The following DOCK5 variants were observed in gnomAD, a reference collection of about 807,000 sequenced individuals.
DOCK5 encodes dedicator of cytokinesis 5, also known as dedicator of cytokinesis protein 5.
Under a neutral mutation model 251.8 loss-of-function variants are expected in DOCK5, and 142 were observed. The observed-to-expected ratio is 0.56, with a 90% confidence interval of 0.49 to 0.65. The LOEUF (loss-of-function observed/expected upper bound fraction) is 0.65. DOCK5 is among the 30% of genes least tolerant of loss of function. DOCK5 has a pLI of 0.00. For synonymous variants in DOCK5, 842 were observed against 835.5 expected, an observed-to-expected ratio of 1.01 and a Z score of -0.13; for missense variants, 2,111 against 2,312.3, an observed-to-expected ratio of 0.91 and a Z score of 1.79.
chr8:25,354,051 AAC>A (rs1563213077), intron 27 of DOCK5, among the ~76,000 whole-genome samples: 1,632 of 25,188 alleles, frequency 0.065, 271 homozygotes, highest in Non-Finnish European at 0.096. Context: ...AAAAAAAACA[AAC>A]AAAAAAAAAA....
intron 40 of DOCK5, among the ~76,000 whole-genome samples, chr8:25,384,467 T>TTTA (rs1272571268): frequency 2.3e-3 from 202 of 87,536 alleles, no homozygotes; most frequent in African/African-American, 6.8e-3. Flanking sequence ...TTATTTATTT[T>TTTA]TTTTTTTTTT....
chr8:25,367,208 A>G (rs984681727), intron 31 of DOCK5, among the ~76,000 whole-genome samples: 5 of 152,164 alleles, frequency 3.3e-5, no homozygotes, highest in African/African-American at 1.2e-4. Flanking sequence ...CTGTACCTGG[A>G]GACGGACCTT....
At chr8:25,350,184 C>T (rs928521662) in intron 26 of DOCK5, among the ~76,000 whole-genome samples, 4 of 152,058 alleles carry the variant, frequency 2.6e-5, no homozygotes, top group African/African-American at 4.8e-5. Flanking sequence ...ATGTTGTACA[C>T]GCTGGATAAG....
At chr8:25,381,432 C>T (rs910097595) in intron 39 of DOCK5, among the ~76,000 whole-genome samples, 7 of 152,078 alleles carry the variant, frequency 4.6e-5, no homozygotes, top group Admixed American at 4.6e-4. Flanking sequence ...CCAGACGAGT[C>T]TGAGCAACAT....
rs183576033 is a variant in DOCK5, at chr8:25,395,498, G to C, written c.4528-45G>C. ...GTTAAACTTTTTTCAGTCTTTACTT[G>C]GAGCTGACAAGTGTCCTCTTTCTCC... On this transcript the variant is annotated intron_variant, in intron 44 of 51. Transcript: ENST00000276440. 3,353 of 1,571,886 alleles carry C rather than the reference G, an allele frequency of 2.1e-3. 4 individuals carry two copies. The highest frequency in any genetic ancestry group is 2.6e-3 in the Non-Finnish European group (3,038 of 1,165,220).
intron 18 of DOCK5, among the ~76,000 whole-genome samples, chr8:25,328,093 G>A (rs1805604752): frequency 6.6e-6 from 1 of 151,972 alleles, no homozygotes; most frequent in African/African-American, 2.4e-5. Flanking sequence ...CTGGTCTTCT[G>A]CAGCTGGTGA....
intron 30 of DOCK5, among the ~76,000 whole-genome samples, 157 bp from the exon 31 acceptor site, chr8:25,366,713 A>G (rs1166675440): frequency 6.6e-6 from 1 of 152,244 alleles, no homozygotes; most frequent in East Asian, 1.9e-4. Context: ...CAAAACTTTT[A>G]GGATTGAATA....
In DOCK5 at chr8:25,299,081, A is replaced by G; in HGVS notation, c.744A>G (p.Pro248=). The change falls in exon 8 of 52, where the codon CCA becomes CCG. Residue 248 remains proline (P), a synonymous_variant. Transcript: ENST00000276440. ...AGTTGTTTATGGCCCTCTACGACCC[A>G]GACCAGTCCACTTTTATCAGGTAGC... ...DAELFMALYD[P]DQSTFISENY... is the part of the protein sequence containing the mutation. 1.2e-6 allele frequency: 2 copies of G among 1,613,678 alleles called. No individual in the cohort carries two copies. The highest frequency in any genetic ancestry group is 1.7e-6 in the Non-Finnish European group (2 of 1,179,772).
At chr8:25,274,683 C>T (rs1366277729) in intron 3 of DOCK5, among the ~76,000 whole-genome samples, 2 of 152,116 alleles carry the variant, frequency 1.3e-5, no homozygotes, top group Non-Finnish European at 2.9e-5. Flanking sequence ...AACTAACACC[C>T]GTTGATTTTG....
chr8:25,308,714 A>G (rs941399821), intron 11 of DOCK5, 69 bp from the exon 12 acceptor site: 72 of 1,557,918 alleles, frequency 4.6e-5, no homozygotes, highest in Non-Finnish European at 6.0e-5. Context: ...ACTCACCATT[A>G]TCTGAGGTTG....
chr8:25,283,027 AG>A (rs1409562550), intron 5 of DOCK5, among the ~76,000 whole-genome samples: 1 of 152,190 alleles, frequency 6.6e-6, no homozygotes, highest in Non-Finnish European at 1.5e-5. Context: ...GATTAACCCC[AG>A]CCATGTAGAC....
At position 25,395,691 on chromosome 8, in the gene DOCK5, T is replaced by A. The variant is rs778776808; in HGVS notation, c.4676T>A (p.Val1559Asp). Residue 1559 changes from valine to aspartate, a missense_variant, in exon 45 of 52, where the codon GTC (valine) becomes GAC (aspartate). Coordinates refer to ENST00000276440, the MANE Select transcript of DOCK5 (RefSeq NM_024940.8). ...CTCAGTGGCATCGTGGACCCGGCCG[T>A]CATGGGGGGCTTCTCCAACTATGAA... is the stretch of plus-strand genomic sequence containing the variant. ...MLLSGIVDPA[V>D]MGGFSNYEKA... The A allele has an allele frequency of 1.2e-6, 2 of 1,613,658 alleles. No homozygotes were observed. The highest frequency in any genetic ancestry group is 8.5e-7 in the Non-Finnish European group (1 of 1,179,792).
chr8:25,265,730 A>C lies in DOCK5; in HGVS notation c.128-3115A>C, dbSNP rs191066670. Among the ~76,000 whole-genome samples the C allele has an allele frequency of 2.6e-3, 388 of 151,998 alleles. 6 individuals are homozygous for C. Among genetic ancestry groups the C allele is most frequent in the African/African-American group, 7.3e-3 (302 of 41,270 alleles). On this transcript the variant is annotated intron_variant, in intron 2 of 51. Coordinates refer to ENST00000276440, the MANE Select transcript of DOCK5 (RefSeq NM_024940.8). Reference sequence around the variant, plus strand: ...TGTAGAATGACTGCATGTAGCGAGGAGAAGAATCAGGGAAGAGATCTGTTG... The same window carrying C: ...TGTAGAATGACTGCATGTAGCGAGGCGAAGAATCAGGGAAGAGATCTGTTG...
rs763793115 is a variant in DOCK5, at chr8:25,391,898, A to G, written c.4358A>G (p.Tyr1453Cys). The G allele has an allele frequency of 1.9e-6, 3 of 1,613,762 alleles. No homozygotes were observed. Among genetic ancestry groups the G allele is most frequent in the East Asian group, 2.2e-5 (1 of 44,844 alleles). ...AGCATTGCTTTGTCCTTCTCCAGCTACTACAGAGCCAATGAAGTGCAGCAG... is the reference window on the plus strand; with the variant it reads ...AGCATTGCTTTGTCCTTCTCCAGCTGCTACAGAGCCAATGAAGTGCAGCAG... ...DKPVPEQILNYYRANEVQQFR... is the reference protein window; with the variant it reads ...DKPVPEQILNCYRANEVQQFR... Residue 1453 changes from tyrosine (Y) to cysteine (C), a missense_variant and splice_region_variant, in exon 43 of 52, where the codon TAC becomes TGC. Transcript: ENST00000276440.
intron 2 of DOCK5, among the ~76,000 whole-genome samples, chr8:25,248,070 A>C (rs1203992901): frequency 6.6e-6 from 1 of 152,194 alleles, no homozygotes; most frequent in Middle Eastern, 3.2e-3. Context: ...TTGAGCCTGC[A>C]CCGTGAGCTT....
intron 36 of DOCK5, 140 bp from the exon 37 acceptor site, chr8:25,374,424 G>A (rs1406689656): frequency 2.5e-6 from 2 of 795,502 alleles, no homozygotes; most frequent in Non-Finnish European, 4.0e-6. Flanking sequence ...GAGCCCTGGG[G>A]CTTAAGGCTG....
intron 26 of DOCK5, 62 bp from the exon 27 acceptor site, chr8:25,351,669 G>A: frequency 3.0e-6 from 4 of 1,320,102 alleles, no homozygotes; most frequent in African/African-American, 1.5e-5. Flanking sequence ...TCTATCTGAG[G>A]TTCCTTAAAG....
In DOCK5 at chr8:25,296,788, A is replaced by C. The variant is rs1022209876; in HGVS notation, c.606+140A>C. On this transcript the variant is annotated intron_variant, in intron 7 of 51. Transcript: ENST00000276440. ...ATTTTAAAAGTGAAACATAGCAGAA[A>C]GGATGAGGCAGGTATATATATATAT... is the stretch of plus-strand genomic sequence containing the variant. 103 of 974,104 alleles carry C rather than the reference A, an allele frequency of 1.1e-4. No homozygotes were observed. In the African/African-American group the frequency reaches 1.5e-3, roughly 14 times the overall value. The allele number at this position is 974,104 out of a possible 1,614,324, so 60.3% of individuals were successfully genotyped here.
At chr8:25,188,378 A>C (rs1801484628) in intron 1 of DOCK5, among the ~76,000 whole-genome samples, 1 of 152,242 alleles carries the variant, frequency 6.6e-6, no homozygotes, top group South Asian at 2.1e-4. Context: ...AAGGAACCGT[A>C]GGATAGTCAT....
Sources: gnomAD v4.1 joint callset for allele counts (sites outside exome capture counted in the v4.1 genomes callset) on GRCh38, gnomAD v4.1.1 for gene constraint, MANE v1.5 for transcripts, NCBI Gene and HGNC (gene_info 2026-07-23, HGNC 2026-07-21) for gene names.